Variants in SCN9A observed in about 807,000 individuals in gnomAD.
SCN9A encodes the protein sodium channel protein type 9 subunit alpha.
SCN9A carries 131 observed loss-of-function variants against 187.0 expected under a neutral mutation model. That is an observed-to-expected ratio of 0.70 (90% confidence interval 0.61 to 0.81). The LOEUF (loss-of-function observed/expected upper bound fraction) is 0.81, where lower values mean the gene tolerates loss of function less well. Among genes scored for constraint, SCN9A ranks in the 30% least tolerant of loss-of-function variants. The probability of loss-of-function intolerance (pLI) is 0.00; values close to 1 mark genes in which losing one functional copy is unlikely to be tolerated. For missense variants in SCN9A, 2,252 were observed against 2,396.6 expected (o/e 0.94, Z 1.26); for synonymous variants, 809 against 808.6 (o/e 1.00, Z -0.01).
intron 1 of SCN9A, among the ~76,000 whole-genome samples, chr2:166,357,239 A>G (rs1044596015): frequency 3.3e-5 from 5 of 152,144 alleles, no homozygotes; most frequent in Admixed American, 2.6e-4. Flanking sequence ...ACGGTATTTT[A>G]TTTGTAAGAC....
chr2:166,314,208 A>G (rs1414509897), intron 1 of SCN9A, among the ~76,000 whole-genome samples: 1 of 152,218 alleles, frequency 6.6e-6, no homozygotes, highest in Non-Finnish European at 1.5e-5. Flanking sequence ...TGTTGAAAAA[A>G]TTACGCTGAC....
intron 1 of SCN9A, among the ~76,000 whole-genome samples, chr2:166,336,102 C>T (rs937216593): frequency 6.6e-6 from 1 of 152,048 alleles, no homozygotes; most frequent in Non-Finnish European, 1.5e-5. Context: ...GAACCAATCC[C>T]TCACTGATAC....
chr2:166,274,376 T>C (rs1242923116), intron 16 of SCN9A, among the ~76,000 whole-genome samples: 1 of 152,192 alleles, frequency 6.6e-6, no homozygotes, highest in African/African-American at 2.4e-5. Flanking sequence ...TTTTGATTAA[T>C]GGTCTTCGCA....
At chr2:166,253,724 A>G (rs1426250987) in intron 17 of SCN9A, among the ~76,000 whole-genome samples, 1 of 151,746 alleles carries the variant, frequency 6.6e-6, no homozygotes, top group East Asian at 1.9e-4. Context: ...ACAAGGCCCT[A>G]TTATTCTGTG....
rs766974972 is a variant in SCN9A, at chr2:166,203,979, C to A, written c.4750G>T (p.Val1584Leu). The A allele has an allele frequency of 6.3e-7, 1 of 1,593,938 alleles. No homozygotes were observed. The highest frequency in any genetic ancestry group is 8.6e-7 in the Non-Finnish European group (1 of 1,164,744). Residue 1584 changes from valine to leucine, a missense_variant, in exon 26 of 27, where the codon GTG becomes TTG. Val to Leu is a conservative substitution (Grantham distance 32). This residue lies in a region of SCN9A where 368 missense variants were observed against 408.6 expected (regional missense o/e 0.90). Coordinates refer to ENST00000642356, the MANE Select transcript of SCN9A (RefSeq NM_001365536.1). ...CCTACAATGGAGATAATCACAACCA[C>A]AAAATCAAAAATATTCCATCCTACA... Reference protein sequence around the residue: ...FTVGWNIFDFVVVIISIVGMF... With the variant: ...FTVGWNIFDFLVVIISIVGMF...
At chr2:166,358,568 T>C (rs1401207471) in intron 1 of SCN9A, among the ~76,000 whole-genome samples, 1 of 152,214 alleles carries the variant, frequency 6.6e-6, no homozygotes, top group Non-Finnish European at 1.5e-5. Context: ...TAGCTTTTTT[T>C]CTGTGGTATA....
At chr2:166,218,374 C>A (rs866124192) in intron 24 of SCN9A, among the ~76,000 whole-genome samples, 1 of 151,450 alleles carries the variant, frequency 6.6e-6, no homozygotes, top group Non-Finnish European at 1.5e-5. Flanking sequence ...CAAACCTGCA[C>A]GTTGTGCACA....
At chr2:166,261,574 A>C (rs535775150) in intron 17 of SCN9A, among the ~76,000 whole-genome samples, 10 of 152,076 alleles carry the variant, frequency 6.6e-5, no homozygotes, top group Admixed American at 1.3e-4. Flanking sequence ...CATGGAGGCC[A>C]CGTGGACTGC....
Position 166,293,215 on chromosome 2 carries a change from T to C in SCN9A, c.1107+16A>G. On this transcript the variant is annotated intron_variant, in intron 9 of 26. Coordinates refer to ENST00000642356, the MANE Select transcript of SCN9A (RefSeq NM_001365536.1). ...TGCCATTCAAAAATACAATGCATGT[T>C]TCTCTTGGTACTCACCTGTTGGTAA... The C allele has an allele frequency of 6.4e-7, 1 of 1,571,510 alleles. No homozygotes were observed. Among genetic ancestry groups the C allele is most frequent in the East Asian group, 2.3e-5 (1 of 43,302 alleles).
intron 20 of SCN9A, 60 bp downstream of exon 20, chr2:166,238,033 GT>G: frequency 1.6e-6 from 2 of 1,264,326 alleles, no homozygotes; most frequent in Non-Finnish European, 2.2e-6. Flanking sequence ...AGTGGTGAAG[GT>G]TTTTTCACAA....
At chr2:166,340,727 C>T (rs1417609881) in intron 1 of SCN9A, among the ~76,000 whole-genome samples, 2 of 151,530 alleles carry the variant, frequency 1.3e-5, no homozygotes, top group African/African-American at 4.8e-5. Context: ...TTCAAGTGAC[C>T]CTCCCACCTC....
intron 1 of SCN9A, among the ~76,000 whole-genome samples, chr2:166,374,263 C>G (rs1700633347): frequency 6.6e-6 from 1 of 152,204 alleles, no homozygotes; most frequent in African/African-American, 2.4e-5. Context: ...CACAACTGCA[C>G]AGTGGCTTAC....
chr2:166,256,426 A>G (rs1490039051), intron 17 of SCN9A, among the ~76,000 whole-genome samples: 1 of 151,336 alleles, frequency 6.6e-6, no homozygotes, highest in Non-Finnish European at 1.5e-5. Context: ...GAATTTCAGG[A>G]AAAAAATGGA....
chr2:166,240,968 A>T lies in SCN9A; in HGVS notation c.3627+1534T>A, dbSNP rs532592530. On this transcript the variant is annotated intron_variant, in intron 19 of 26. Coordinates refer to ENST00000642356, the MANE Select transcript of SCN9A (RefSeq NM_001365536.1). ...TGTACACACTCATTCAGGCTCATAT[A>T]ATGCCCCCATGAGACCTGGGTAAAG... 2.6e-5 allele frequency among the ~76,000 whole-genome samples: 4 copies of T among 152,240 alleles called. No homozygotes were observed. In the South Asian group the frequency reaches 8.3e-4, roughly 32 times the overall value.
chr2:166,214,707 G>T (rs2106364874), intron 24 of SCN9A, among the ~76,000 whole-genome samples: 1 of 150,720 alleles, frequency 6.6e-6, no homozygotes. Flanking sequence ...GTAGAGACGG[G>T]GTTTCACCGT....
At chr2:166,262,755 T>C (rs951198376) in intron 17 of SCN9A, among the ~76,000 whole-genome samples, 1 of 152,014 alleles carries the variant, frequency 6.6e-6, no homozygotes, top group Non-Finnish European at 1.5e-5. Context: ...ATGCATTATA[T>C]TTACTTCCTA....
intron 21 of SCN9A, among the ~76,000 whole-genome samples, chr2:166,230,569 G>A (rs1163074221): frequency 6.6e-6 from 1 of 152,096 alleles, no homozygotes; most frequent in South Asian, 2.1e-4. Context: ...TGCCTTGAAT[G>A]CCTATCTGCC....
chr2:166,284,868 G>C lies in SCN9A; in HGVS notation c.1603-44C>G, dbSNP rs146638086. ...AAACGTGGTTGCTGAAGCACCTACT[G>C]ATAGAAGTACACTTCATATAAATAC... On this transcript the variant is annotated intron_variant, in intron 11 of 26. Coordinates refer to ENST00000642356, the MANE Select transcript of SCN9A (RefSeq NM_001365536.1). The C allele has an allele frequency of 9.3e-5, 141 of 1,523,158 alleles. No homozygotes were observed. In the East Asian group the frequency reaches 3.0e-3, roughly 32 times the overall value. 94.4% of individuals were successfully genotyped at this position (1,523,158 alleles called of 1,614,324 possible). A position where few individuals can be genotyped will look rare whatever the true frequency, so the allele number is the denominator to read the frequency against.
Position 166,284,599 on chromosome 2 carries a change from G to A in SCN9A, c.1828C>T (p.Pro610Ser). The change falls in exon 12 of 27, where the codon CCA (proline) becomes TCA (serine). Residue 610 changes from proline (P) to serine (S), a missense_variant. By Grantham distance (74) the Pro-to-Ser change is moderately conservative. Coordinates refer to ENST00000642356, the MANE Select transcript of SCN9A (RefSeq NM_001365536.1). ...SNISQASRSP[P>S]MLPVNGKMHS... ...ATTTTCCCGTTCACCGGCAGCATTG[G>A]TGGGGACCTACTGGCTTGGCTGATG... The A allele has an allele frequency of 1.2e-6, 2 of 1,614,038 alleles. No individual in the cohort carries two copies. Among genetic ancestry groups the A allele is most frequent in the African/African-American group, 1.3e-5 (1 of 75,038 alleles).
Sources: allele counts gnomAD v4.1 joint callset (sites outside exome capture counted in the v4.1 genomes callset), GRCh38; gene constraint gnomAD v4.1.1; regional missense constraint gnomAD v4.1.1; transcripts MANE v1.5; gene names NCBI Gene and HGNC (gene_info 2026-07-23, HGNC 2026-07-21).